The following PDE2A variants were observed in gnomAD, a reference collection of about 807,000 sequenced individuals.
The protein encoded by PDE2A is phosphodiesterase 2A, also known as cGMP-dependent 3',5'-cyclic phosphodiesterase.
PDE2A carries 53 observed loss-of-function variants against 133.6 expected under a neutral mutation model. That is an observed-to-expected ratio of 0.40 (90% CI 0.32 to 0.50). The LOEUF (loss-of-function observed/expected upper bound fraction) is 0.50, where lower values mean the gene tolerates loss of function less well. PDE2A is among the 20% of genes least tolerant of loss of function. The pLI is 0.73. For missense variants in PDE2A, 796 were observed against 1,232.4 expected, an observed-to-expected ratio of 0.65 and a Z score of 5.30; for synonymous variants, 491 against 490.2, an observed-to-expected ratio of 1.00 and a Z score of -0.02.
At position 72,674,317 on chromosome 11, in the gene PDE2A, G is replaced by A; in HGVS notation, c.-110C>T. The A allele has an allele frequency of 9.2e-7, 1 of 1,085,590 alleles. No homozygotes were observed. The highest frequency in any genetic ancestry group is 1.3e-6 in the Non-Finnish European group (1 of 751,842). The allele number at this position is 1,085,590 out of a possible 1,614,324, so 67.2% of individuals were successfully genotyped here. A position where few individuals can be genotyped will look rare whatever the true frequency, so the allele number is the denominator to read the frequency against. On this transcript the variant is annotated 5_prime_UTR_variant, in exon 1 of 31. Transcript: ENST00000334456. ...CCAGCAGGCACAGGGACCAAGAGCA[G>A]TGGGCTGCCCCCTACTCAGCCTGGA...
chr11:72,624,312 C>T (rs1053814099), intron 2 of PDE2A, among the ~76,000 whole-genome samples: 5 of 152,164 alleles, frequency 3.3e-5, no homozygotes, highest in East Asian at 1.9e-4. Flanking sequence ...ATCCTTTGGA[C>T]GGTGTTACTT....
intron 1 of PDE2A, among the ~76,000 whole-genome samples, chr11:72,652,058 G>A (rs934501283): frequency 1.3e-5 from 2 of 152,224 alleles, no homozygotes; most frequent in Admixed American, 1.3e-4. Flanking sequence ...GGGCAGGCCT[G>A]GCAGGGAAAA....
At chr11:72,650,006 G>A (rs1332078514) in intron 1 of PDE2A, among the ~76,000 whole-genome samples, 2 of 149,798 alleles carry the variant, frequency 1.3e-5, no homozygotes, top group African/African-American at 4.9e-5. Context: ...GCAGTGCAGA[G>A]ACAGCCCTGA....
Position 72,597,697 on chromosome 11 carries a change from G to A in PDE2A, c.324-78C>T. ...AGGCCTGGCCTGGGAACACAGGACA[G>A]TTTGGACCCTGCACATGTGCAAGGA... is the stretch of plus-strand genomic sequence containing the variant. On this transcript the variant is annotated intron_variant, in intron 4 of 30. Transcript: ENST00000334456. This position sits in a 1 kb window ranked among gnomAD's most constrained non-coding sequence, Gnocchi z 4.6. The A allele has an allele frequency of 1.1e-6, 1 of 924,192 alleles. No individual in the cohort carries two copies. Among genetic ancestry groups the A allele is most frequent in the African/African-American group, 1.6e-5 (1 of 61,568 alleles). The allele number at this position is 924,192 out of a possible 1,614,324, so 57.2% of individuals were successfully genotyped here.
At chr11:72,610,427 C>T (rs1199158271) in intron 2 of PDE2A, among the ~76,000 whole-genome samples, 1 of 152,190 alleles carries the variant, frequency 6.6e-6, no homozygotes, top group Non-Finnish European at 1.5e-5. Context: ...GCTGGGCTCT[C>T]AATGAAGACT....
At chr11:72,653,945 TG>T (rs1327974541) in intron 1 of PDE2A, among the ~76,000 whole-genome samples, 3 of 152,178 alleles carry the variant, frequency 2.0e-5, no homozygotes, top group African/African-American at 7.2e-5. Flanking sequence ...AGTCAGGGCT[TG>T]GAAATCCCAG....
At chr11:72,658,175 C>T (rs1285874690) in intron 1 of PDE2A, 20 of 454,062 alleles carry the variant, frequency 4.4e-5, no homozygotes, top group Admixed American at 7.1e-5. Flanking sequence ...TGCCCCACCC[C>T]GACTTATCGC....
intron 1 of PDE2A, among the ~76,000 whole-genome samples, chr11:72,663,243 A>T (rs1220103562): frequency 6.6e-6 from 1 of 152,148 alleles, no homozygotes; most frequent in Non-Finnish European, 1.5e-5. Context: ...GGCACCCTCA[A>T]GGCCAGTTGG....
chr11:72,581,145 G>A (rs3781937), intron 23 of PDE2A, among the ~76,000 whole-genome samples, 172 bp from the exon 24 acceptor site: 34,132 of 152,116 alleles, frequency 0.22, 4,398 homozygotes, highest in East Asian at 0.49. Context: ...AGCAGACCCG[G>A]GTTTAAATCA....
intron 1 of PDE2A, among the ~76,000 whole-genome samples, chr11:72,649,663 C>A (rs963401513): frequency 3.9e-5 from 6 of 152,218 alleles, no homozygotes; most frequent in Admixed American, 3.9e-4. Context: ...TCTGGAGTCA[C>A]TCTAGCCATT....
intron 2 of PDE2A, among the ~76,000 whole-genome samples, chr11:72,631,412 C>A (rs920998719): frequency 4.6e-5 from 7 of 152,138 alleles, no homozygotes; most frequent in African/African-American, 1.7e-4. Context: ...GAAATGACCA[C>A]CTCTTTACTC....
chr11:72,636,444 G>T (rs1858699453), intron 2 of PDE2A, among the ~76,000 whole-genome samples: 2 of 152,218 alleles, frequency 1.3e-5, no homozygotes, highest in South Asian at 2.1e-4. Context: ...CAGATCTCAA[G>T]TTCCCATGTT....
Position 72,584,316 on chromosome 11 carries a change from G to A in PDE2A, c.1538-3C>T, listed in dbSNP as rs1489666148. 1 of 1,589,286 alleles carries A rather than the reference G, an allele frequency of 6.3e-7. No homozygotes were observed. Among genetic ancestry groups the A allele is most frequent in the African/African-American group, 1.3e-5 (1 of 74,498 alleles). On this transcript the variant is annotated splice_polypyrimidine_tract_variant and splice_region_variant and intron_variant, in intron 18 of 30. Transcript: ENST00000334456. ...CAGCTCGGCCACACCGATGACCTCT[G>A]GGGAAGGGAGAGGGGCAAGGAACCA... is the stretch of plus-strand genomic sequence containing the variant.
intron 2 of PDE2A, among the ~76,000 whole-genome samples, chr11:72,630,493 G>T (rs1490036891): frequency 2.0e-5 from 3 of 151,606 alleles, no homozygotes; most frequent in Non-Finnish European, 2.9e-5. Context: ...AGGAAGCTGA[G>T]TGGGGAAGAG....
intron 2 of PDE2A, among the ~76,000 whole-genome samples, chr11:72,626,138 T>C (rs1415829852): frequency 1.3e-5 from 2 of 152,254 alleles, no homozygotes; most frequent in African/African-American, 4.8e-5. Flanking sequence ...TCTCAGCATG[T>C]GTCTTCTCTG....
intron 4 of PDE2A, chr11:72,599,018 A>C (rs1459374636): frequency 1.0e-6 from 1 of 985,282 alleles, no homozygotes; most frequent in African/African-American, 1.7e-5. Flanking sequence ...ATGAAGGCTG[A>C]GGCTTCACGG....
At chr11:72,633,908 T>G (rs906584309) in intron 2 of PDE2A, among the ~76,000 whole-genome samples, 1 of 152,186 alleles carries the variant, frequency 6.6e-6, no homozygotes, top group Admixed American at 6.5e-5. Flanking sequence ...AAGGGCAGTG[T>G]GCACCCATGA....
intron 2 of PDE2A, among the ~76,000 whole-genome samples, chr11:72,622,811 A>C (rs556453750): frequency 6.6e-6 from 1 of 152,326 alleles, no homozygotes; most frequent in Admixed American, 6.5e-5. Context: ...TGAACTGTAC[A>C]CTTAGAAATG....
chr11:72,641,610 G>A (rs1858954554), intron 2 of PDE2A, among the ~76,000 whole-genome samples: 1 of 152,238 alleles, frequency 6.6e-6, no homozygotes, highest in Admixed American at 6.5e-5. Flanking sequence ...AGGAACAAGA[G>A]GAGGGGCCCC....
Sources: allele counts gnomAD v4.1 joint callset (sites outside exome capture counted in the v4.1 genomes callset), GRCh38; gene constraint gnomAD v4.1.1; non-coding constraint Gnocchi (gnomAD v3.1); transcripts MANE v1.5; gene names NCBI Gene and HGNC (gene_info 2026-07-23, HGNC 2026-07-21).